The following FCHO2 variants were observed in gnomAD, a reference collection of about 807,000 sequenced individuals.
FCHO2 encodes the protein FCH and mu domain containing endocytic adaptor 2.
Under a neutral mutation model 114.1 loss-of-function variants are expected in FCHO2, and 43 were observed. The observed-to-expected ratio is 0.38, with a 90% CI of 0.30 to 0.49. FCHO2 has a LOEUF of 0.49. Among genes scored for constraint, FCHO2 ranks in the 20% least tolerant of loss-of-function variants. The pLI, the probability that FCHO2 is intolerant of heterozygous loss-of-function variation, is 0.97. For missense variants in FCHO2, 807 were observed against 950.4 expected, an observed-to-expected ratio of 0.85 and a Z score of 1.98; for synonymous variants, 293 against 315.2, an observed-to-expected ratio of 0.93 and a Z score of 0.75.
chr5:72,990,626 G>T lies in FCHO2; in HGVS notation c.342+7G>T. On this transcript the variant is annotated splice_region_variant and intron_variant, in intron 4 of 25. Transcript: ENST00000430046. ...AGTAAAGTCTCATAAAAAGGTATCA[G>T]TTTTTTTCTTGTTAAATAATTGATT... 5 of 1,528,454 alleles carry T rather than the reference G, an allele frequency of 3.3e-6. No homozygotes were observed. Among genetic ancestry groups the T allele is most frequent in the Non-Finnish European group, 4.4e-6 (5 of 1,142,728 alleles). The allele number at this position is 1,528,454 out of a possible 1,614,324, so 94.7% of individuals were successfully genotyped here.
At chr5:72,997,481 G>A in intron 5 of FCHO2, 4 of 1,529,092 alleles carry the variant, frequency 2.6e-6, no homozygotes, top group Admixed American at 3.3e-5. Flanking sequence ...CTCTCCAGGG[G>A]TTTACAGGAG....
intron 24 of FCHO2, 31 bp from the exon 25 acceptor site, chr5:73,087,558 C>G (rs1743351435): frequency 6.2e-7 from 1 of 1,608,176 alleles, no homozygotes; most frequent in Non-Finnish European, 8.5e-7. Context: ...GTATTTTACC[C>G]TGTGTAAGTG....
chr5:73,050,577 A>G (rs1757297126), intron 11 of FCHO2, among the ~76,000 whole-genome samples: 1 of 152,086 alleles, frequency 6.6e-6, no homozygotes. Context: ...TCAGCCTCCA[A>G]AAGTGCTGGA....
chr5:73,074,840 G>A lies in FCHO2; in HGVS notation c.1678G>A (p.Ala560Thr), dbSNP rs1002243595. ...TESVNAYFKG[A>T]DPTKCIVKIT... ...ATCTGTTAATGCCTACTTTAAAGGA[G>A]CAGATCCCACCAAGTTAGTTTTTAA... Residue 560 changes from alanine to threonine, a missense_variant, in exon 20 of 26, where the codon GCA becomes ACA. Transcript: ENST00000430046. The A allele has an allele frequency of 2.5e-6, 4 of 1,611,572 alleles. No individual in the cohort carries two copies. Among genetic ancestry groups the A allele is most frequent in the Non-Finnish European group, 3.4e-6 (4 of 1,178,968 alleles).
chr5:73,083,590 G>C (rs1404622582), intron 24 of FCHO2, among the ~76,000 whole-genome samples: 2 of 152,128 alleles, frequency 1.3e-5, no homozygotes, highest in African/African-American at 4.8e-5. Context: ...ACGCTTCCAG[G>C]CTTTAAAAAG....
rs1302848475 is a variant in FCHO2 at position 73,035,421 on chromosome 5, AAAC to A, written c.841+729_841+731del. Among the ~76,000 whole-genome samples the A allele has an allele frequency of 2.6e-5, 4 of 152,048 alleles. No homozygotes were observed. In the South Asian group the frequency reaches 8.3e-4, roughly 32 times the overall value. ...GCGACAGAGTGAGACCCTGTCTCAA[AAAC>A]AACAACAAAAACCCTTCTTGAATTT... On this transcript the variant is annotated intron_variant, in intron 9 of 25. Transcript: ENST00000430046.
intron 13 of FCHO2, among the ~76,000 whole-genome samples, chr5:73,053,045 A>AG (rs901577560): frequency 1.1e-4 from 17 of 152,220 alleles, no homozygotes; most frequent in African/African-American, 4.1e-4. Context: ...ATCCCAGTAA[A>AG]TTTTTTCCTC....
chr5:72,969,484 C>T (rs906478226), intron 2 of FCHO2, among the ~76,000 whole-genome samples: 2 of 152,222 alleles, frequency 1.3e-5, no homozygotes, highest in Admixed American at 6.5e-5. Flanking sequence ...GTAAGGCTCT[C>T]CTTCCTCCGG....
chr5:73,051,645 C>T (rs1023277530), intron 12 of FCHO2, among the ~76,000 whole-genome samples: 3 of 152,120 alleles, frequency 2.0e-5, no homozygotes, highest in African/African-American at 7.2e-5. Context: ...CAGCTCACTG[C>T]AGCCTCTGCC....
intron 8 of FCHO2, among the ~76,000 whole-genome samples, chr5:73,027,436 T>A (rs1184628840): frequency 1.3e-5 from 2 of 151,988 alleles, no homozygotes; most frequent in African/African-American, 4.8e-5. Flanking sequence ...TTTACCAAAT[T>A]TTGGTTTTTT....
At chr5:73,002,373 C>A (rs1018182197) in intron 5 of FCHO2, among the ~76,000 whole-genome samples, 1 of 152,060 alleles carries the variant, frequency 6.6e-6, no homozygotes, top group Non-Finnish European at 1.5e-5. Flanking sequence ...AAAATAATTT[C>A]TTTGTTTATA....
intron 19 of FCHO2, among the ~76,000 whole-genome samples, chr5:73,071,176 C>T (rs912590385): frequency 2.6e-5 from 4 of 151,936 alleles, no homozygotes; most frequent in Non-Finnish European, 4.4e-5. Context: ...TATCAAATCC[C>T]CAACTATAAA....
intron 2 of FCHO2, among the ~76,000 whole-genome samples, chr5:72,974,394 G>T (rs1752743695): frequency 6.8e-6 from 1 of 147,190 alleles, no homozygotes; most frequent in Non-Finnish European, 1.5e-5. Flanking sequence ...CTCCTGTATT[G>T]GGTGCATATA....
chr5:72,980,018 G>A (rs1034925962), intron 2 of FCHO2, among the ~76,000 whole-genome samples: 13 of 151,958 alleles, frequency 8.6e-5, no homozygotes, highest in South Asian at 2.1e-4. Context: ...TGCTTCTCTA[G>A]TTCTTTTAAT....
intron 16 of FCHO2, among the ~76,000 whole-genome samples, chr5:73,056,810 A>C (rs1181723372): frequency 6.6e-6 from 1 of 152,140 alleles, no homozygotes; most frequent in Non-Finnish European, 1.5e-5. Flanking sequence ...AAGCTTCAAA[A>C]AAAGAAGTGT....
chr5:72,959,259 C>T (rs1751721100), intron 1 of FCHO2, among the ~76,000 whole-genome samples: 1 of 152,132 alleles, frequency 6.6e-6, no homozygotes, highest in Admixed American at 6.5e-5. Flanking sequence ...GTAATCCCAG[C>T]ACTTTGGGAG....
At chr5:72,978,989 T>C (rs1309573035) in intron 2 of FCHO2, among the ~76,000 whole-genome samples, 1 of 152,202 alleles carries the variant, frequency 6.6e-6, no homozygotes, top group Non-Finnish European at 1.5e-5. Context: ...AGCTTTTTGA[T>C]GTGTTGCTGG....
chr5:72,957,462 T>G (rs1008932104), intron 1 of FCHO2, among the ~76,000 whole-genome samples: 1 of 152,206 alleles, frequency 6.6e-6, no homozygotes, highest in Non-Finnish European at 1.5e-5. Context: ...ATCCTATAAA[T>G]GGGGCCATGG....
intron 18 of FCHO2, among the ~76,000 whole-genome samples, chr5:73,067,216 T>C (rs1433501378): frequency 6.6e-6 from 1 of 151,964 alleles, no homozygotes; most frequent in Non-Finnish European, 1.5e-5. Flanking sequence ...TTTTGCCTTT[T>C]CCTAAAAAAA....
Sources: gnomAD v4.1 joint callset for allele counts (sites outside exome capture counted in the v4.1 genomes callset) on GRCh38, gnomAD v4.1.1 for gene constraint, MANE v1.5 for transcripts, NCBI Gene and HGNC (gene_info 2026-07-23, HGNC 2026-07-21) for gene names.